ARHGAP44: variants seen among roughly 807,000 people sequenced by gnomAD.
The protein encoded by ARHGAP44 is Rho GTPase activating protein 44.
ARHGAP44 carries 43 observed loss-of-function variants against 106.8 expected under a neutral mutation model. That is an observed-to-expected ratio of 0.40 (90% CI 0.32 to 0.52). The LOEUF (loss-of-function observed/expected upper bound fraction) is 0.52. Among genes scored for constraint, ARHGAP44 ranks in the 20% least tolerant of loss-of-function variants. The probability of loss-of-function intolerance (pLI) is 0.48; values close to 1 mark genes in which losing one functional copy is unlikely to be tolerated. For missense variants in ARHGAP44, 866 were observed against 1,050.5 expected (o/e 0.82, Z 2.43); for synonymous variants, 439 against 410.3 (o/e 1.07, Z -0.85).
chr17:12,821,301 A>C (rs1331175672), intron 1 of ARHGAP44, among the ~76,000 whole-genome samples: 2 of 152,320 alleles, frequency 1.3e-5, no homozygotes, highest in South Asian at 4.1e-4. Flanking sequence ...ATTGATAGAA[A>C]ACAATGTTAT....
intron 3 of ARHGAP44, among the ~76,000 whole-genome samples, chr17:12,904,738 C>T (rs142908549): frequency 4.1e-4 from 62 of 152,040 alleles, no homozygotes; most frequent in Non-Finnish European, 5.4e-4. Flanking sequence ...TAAAAGTAGA[C>T]GCACACACAT....
chr17:12,951,990 CACAG>C (rs2039002231), intron 12 of ARHGAP44, among the ~76,000 whole-genome samples: 2 of 152,258 alleles, frequency 1.3e-5, no homozygotes, highest in South Asian at 2.1e-4. Context: ...CTCAGCAGGA[CACAG>C]ACAGATCTGC....
At chr17:12,924,066 A>G (rs1169238916) in intron 6 of ARHGAP44, among the ~76,000 whole-genome samples, 1 of 152,244 alleles carries the variant, frequency 6.6e-6, no homozygotes, top group African/African-American at 2.4e-5. Flanking sequence ...CAGCACTGCA[A>G]CAGTGAATTC....
intron 14 of ARHGAP44, 34 bp downstream of exon 14, chr17:12,956,014 C>A: frequency 6.6e-7 from 1 of 1,521,072 alleles, no homozygotes; most frequent in Non-Finnish European, 9.1e-7. Context: ...TGTGGGTGAT[C>A]AGGTGGGACT....
intron 1 of ARHGAP44, among the ~76,000 whole-genome samples, chr17:12,888,567 T>C (rs1344556587): frequency 1.3e-5 from 2 of 152,200 alleles, no homozygotes; most frequent in Non-Finnish European, 1.5e-5. Flanking sequence ...CTGCTCATGT[T>C]GGGTGGAGTG....
intron 18 of ARHGAP44, among the ~76,000 whole-genome samples, chr17:12,974,554 C>T (rs1323847311): frequency 6.6e-6 from 1 of 152,102 alleles, no homozygotes; most frequent in Non-Finnish European, 1.5e-5. Flanking sequence ...TGGCAGCTTG[C>T]GAAGGCAGGG....
chr17:12,866,445 CCA>C (rs1393812198), intron 1 of ARHGAP44, among the ~76,000 whole-genome samples: 1 of 152,148 alleles, frequency 6.6e-6, no homozygotes, highest in African/African-American at 2.4e-5. Context: ...TCAGCCTAGA[CCA>C]CAGTTGCCTA....
chr17:12,845,490 A>C (rs7220848), intron 1 of ARHGAP44, among the ~76,000 whole-genome samples: 1 of 147,186 alleles, frequency 6.8e-6, no homozygotes, highest in African/African-American at 2.6e-5. Context: ...CCTGGTGACA[A>C]AGCAAGACTC....
At chr17:12,805,829 C>A (rs1313005364) in intron 1 of ARHGAP44, among the ~76,000 whole-genome samples, 3 of 152,176 alleles carry the variant, frequency 2.0e-5, no homozygotes, top group African/African-American at 7.2e-5. Context: ...GGGAGTTGAG[C>A]TGTGATGCAG....
At chr17:12,856,809 C>CTGAT (rs1435041465) in intron 1 of ARHGAP44, among the ~76,000 whole-genome samples, 2 of 152,164 alleles carry the variant, frequency 1.3e-5, no homozygotes, top group African/African-American at 4.8e-5. Flanking sequence ...CTTTAACAAT[C>CTGAT]TGATGCTTAG....
intron 16 of ARHGAP44, among the ~76,000 whole-genome samples, chr17:12,962,773 C>T (rs9907138): frequency 0.063 from 9,601 of 152,132 alleles, 329 homozygotes; most frequent in Middle Eastern, 0.085. Context: ...GGGTCAGGCG[C>T]GGTGGCTCAT....
At chr17:12,971,729 A>G (rs1177655594) in intron 16 of ARHGAP44, among the ~76,000 whole-genome samples, 1 of 152,082 alleles carries the variant, frequency 6.6e-6, no homozygotes, top group Non-Finnish European at 1.5e-5. Context: ...ATGACTTTGG[A>G]AACTATTGGG....
At chr17:12,869,277 T>G (rs531486372) in intron 1 of ARHGAP44, among the ~76,000 whole-genome samples, 1 of 152,294 alleles carries the variant, frequency 6.6e-6, no homozygotes, top group Non-Finnish European at 1.5e-5. Flanking sequence ...GGAGAGAATC[T>G]AAAACATATA....
At position 12,949,228 on chromosome 17, in the gene ARHGAP44, C is replaced by T. The variant is rs566131577; in HGVS notation, c.950C>T (p.Ser317Leu). The change falls in exon 11 of 21, where the codon TCG becomes TTG. Residue 317 changes from serine (S) to leucine (L), a missense_variant. This residue lies in a region of ARHGAP44 where 448 missense variants were observed against 646.9 expected (regional missense o/e 0.69). Coordinates refer to ENST00000379672, the MANE Select transcript of ARHGAP44 (RefSeq NM_014859.6). This position sits in a 1 kb window ranked among gnomAD's most constrained non-coding sequence, Gnocchi z 4.1. The part of the protein sequence containing the change: ...DCCVVDVQEY[S>L]ADPHAIAGAL... Reference sequence around the variant, plus strand: ...TGCGTGGTGGATGTGCAGGAGTACTCGGCAGACCCCCACGCAATTGCAGGT... The same window carrying T: ...TGCGTGGTGGATGTGCAGGAGTACTTGGCAGACCCCCACGCAATTGCAGGT... 8.3e-6 allele frequency: 13 copies of T among 1,569,824 alleles called. No homozygotes were observed. Among genetic ancestry groups the T allele is most frequent in the South Asian group, 3.5e-5 (3 of 85,172 alleles).
chr17:12,803,450 T>C (rs1412087116), intron 1 of ARHGAP44, among the ~76,000 whole-genome samples: 1 of 152,118 alleles, frequency 6.6e-6, no homozygotes, highest in Non-Finnish European at 1.5e-5. Context: ...AGTTGGCTCC[T>C]ATGAATCCAT....
chr17:12,943,955 G>A, intron 9 of ARHGAP44, 114 bp from the exon 10 acceptor site: 1 of 1,356,612 alleles, frequency 7.4e-7, no homozygotes, highest in Non-Finnish European at 9.8e-7. Context: ...GGCTCAATTG[G>A]GCCTCCCTCT....
At chr17:12,811,442 G>T (rs933546154) in intron 1 of ARHGAP44, among the ~76,000 whole-genome samples, 9 of 152,148 alleles carry the variant, frequency 5.9e-5, no homozygotes, top group Non-Finnish European at 7.4e-5. Context: ...GAAGAGGATG[G>T]GTTGGTCTTG....
At chr17:12,818,863 G>A (rs2034678352) in intron 1 of ARHGAP44, among the ~76,000 whole-genome samples, 1 of 151,936 alleles carries the variant, frequency 6.6e-6, no homozygotes. Context: ...TGATCTATAG[G>A]TTTCGTGCAA....
chr17:12,953,632 A>G (rs1376776143), intron 13 of ARHGAP44, among the ~76,000 whole-genome samples: 1 of 152,260 alleles, frequency 6.6e-6, no homozygotes, highest in African/African-American at 2.4e-5. Context: ...GTCCGTCTAC[A>G]GATAAGTGGA....
Sources: gnomAD v4.1 joint callset for allele counts (sites outside exome capture counted in the v4.1 genomes callset) on GRCh38, gnomAD v4.1.1 for gene constraint, gnomAD v4.1.1 regional missense constraint, Gnocchi (gnomAD v3.1) non-coding constraint, MANE v1.5 for transcripts, NCBI Gene and HGNC (gene_info 2026-07-23, HGNC 2026-07-21) for gene names.